The following GLIS3 variants were observed in gnomAD, a reference collection of about 807,000 sequenced individuals.
The protein encoded by GLIS3 is GLIS family zinc finger 3, also known as zinc finger protein GLIS3.
A neutral mutation model predicts 78.6 loss-of-function variants in GLIS3; 53 were observed. The observed-to-expected ratio is 0.67, with a 90% CI of 0.54 to 0.85. The LOEUF is 0.85. GLIS3 is among the 40% of genes least tolerant of loss of function. The pLI is 0.00. For synonymous variants in GLIS3, 684 were observed against 509.9 expected, an observed-to-expected ratio of 1.34 and a Z score of -4.60; for missense variants, 1,703 against 1,231.1, an observed-to-expected ratio of 1.38 and a Z score of -5.74.
At chr9:3,907,663 C>T (rs1165276293) in intron 6 of GLIS3, among the ~76,000 whole-genome samples, 2 of 148,398 alleles carry the variant, frequency 1.3e-5, no homozygotes, top group African/African-American at 5.0e-5. Context: ...CACTACTAAA[C>T]AGTGCTCCTT....
At chr9:4,327,078 CTG>C (rs750357638) in intron 2 of GLIS3, among the ~76,000 whole-genome samples, 36 of 152,162 alleles carry the variant, frequency 2.4e-4, no homozygotes, top group Non-Finnish European at 2.9e-4. Context: ...ACAATGTGAT[CTG>C]TGTTAAGGAG....
chr9:4,351,300 G>A (rs1171150679), upstream of GLIS3, among the ~76,000 whole-genome samples: 1 of 151,788 alleles, frequency 6.6e-6, no homozygotes, highest in East Asian at 1.9e-4. Flanking sequence ...AATAAGCTGG[G>A]AGGCTGAGGA....
chr9:4,225,889 G>C (rs1247645004), intron 2 of GLIS3, among the ~76,000 whole-genome samples: 3 of 152,162 alleles, frequency 2.0e-5, no homozygotes, highest in African/African-American at 7.2e-5. Flanking sequence ...TGAGGAAGGA[G>C]AAGGTCAAAG....
chr9:3,987,999 A>G (rs2129719017), intron 4 of GLIS3, among the ~76,000 whole-genome samples: 1 of 152,202 alleles, frequency 6.6e-6, no homozygotes, highest in South Asian at 2.1e-4. Flanking sequence ...AGTGATGATT[A>G]AAATTTAATA....
chr9:4,271,973 A>G (rs908418400), intron 2 of GLIS3, among the ~76,000 whole-genome samples: 1 of 152,178 alleles, frequency 6.6e-6, no homozygotes, highest in Non-Finnish European at 1.5e-5. Context: ...CAGGGGATCC[A>G]TAAAATTCTC....
At chr9:4,203,406 G>T (rs1329616467) in intron 2 of GLIS3, among the ~76,000 whole-genome samples, 1 of 152,192 alleles carries the variant, frequency 6.6e-6, no homozygotes, top group Non-Finnish European at 1.5e-5. Context: ...AGCAACTGTA[G>T]AAAGCAGTTC....
the GLIS3 span, among the ~76,000 whole-genome samples, chr9:4,468,715 G>C: frequency 9.9e-5 from 15 of 152,202 alleles, no homozygotes; most frequent in Non-Finnish European, 2.1e-4. Flanking sequence ...ATGCTAGGAA[G>C]AAACTGCATC....
At chr9:4,087,008 T>A (rs945508156) in intron 4 of GLIS3, among the ~76,000 whole-genome samples, 3 of 152,198 alleles carry the variant, frequency 2.0e-5, no homozygotes, top group Non-Finnish European at 4.4e-5. Flanking sequence ...TTTAGTGCTA[T>A]GTGTACATGT....
intron 2 of GLIS3, among the ~76,000 whole-genome samples, chr9:4,213,458 C>A (rs573261711): frequency 1.3e-5 from 2 of 152,342 alleles, no homozygotes; most frequent in East Asian, 3.9e-4. Context: ...AGTAGAACTT[C>A]TGATGATGAT....
chr9:4,314,129 G>C (rs778901046), intron 2 of GLIS3, among the ~76,000 whole-genome samples: 1 of 152,164 alleles, frequency 6.6e-6, no homozygotes, highest in Non-Finnish European at 1.5e-5. Flanking sequence ...AGCAATGTGG[G>C]AATAGTAATA....
intron 4 of GLIS3, among the ~76,000 whole-genome samples, chr9:4,076,062 G>A (rs1828026180): frequency 6.6e-6 from 1 of 152,064 alleles, no homozygotes; most frequent in African/African-American, 2.4e-5. Flanking sequence ...TTTCACAAGG[G>A]TACACATTGG....
intron 2 of GLIS3, among the ~76,000 whole-genome samples, chr9:4,318,875 G>T (rs1053944150): frequency 2.0e-5 from 3 of 152,220 alleles, no homozygotes; most frequent in African/African-American, 7.2e-5. Context: ...AAGGGGGGAA[G>T]TTCCTGTACA....
At chr9:3,859,065 G>C (rs1190267906) in intron 8 of GLIS3, among the ~76,000 whole-genome samples, 1 of 152,172 alleles carries the variant, frequency 6.6e-6, no homozygotes, top group Non-Finnish European at 1.5e-5. Flanking sequence ...AGAAGATGAA[G>C]AGAGAGTCTT....
At chr9:4,464,538 G>C in the GLIS3 span, among the ~76,000 whole-genome samples, 1 of 151,962 alleles carries the variant, frequency 6.6e-6, no homozygotes, top group Non-Finnish European at 1.5e-5. Context: ...GGGATTACAA[G>C]TGCCCACCAC....
chr9:4,256,649 C>A (rs144519502), intron 2 of GLIS3, among the ~76,000 whole-genome samples: 1 of 152,224 alleles, frequency 6.6e-6, no homozygotes, highest in East Asian at 1.9e-4. Context: ...AAAAGGTCTA[C>A]GTAACACAAT....
At chr9:4,404,481 C>T in the GLIS3 span, among the ~76,000 whole-genome samples, 1 of 152,158 alleles carries the variant, frequency 6.6e-6, no homozygotes, top group Non-Finnish European at 1.5e-5. Context: ...CAGAACAAGT[C>T]TTAAAGCATT....
At chr9:4,075,157 T>A (rs1429042081) in intron 4 of GLIS3, among the ~76,000 whole-genome samples, 1 of 144,488 alleles carries the variant, frequency 6.9e-6, no homozygotes, top group Non-Finnish European at 1.5e-5. Context: ...GTGCATTTAC[T>A]GTGGCGATGG....
chr9:4,283,232 T>C (rs1241834099), intron 2 of GLIS3, among the ~76,000 whole-genome samples: 3 of 151,898 alleles, frequency 2.0e-5, no homozygotes, highest in Non-Finnish European at 4.4e-5. Flanking sequence ...AGTGTATCCC[T>C]ACCGGAGTCC....
intron 4 of GLIS3, among the ~76,000 whole-genome samples, chr9:4,061,733 C>T (rs376566149): frequency 5.3e-5 from 8 of 152,110 alleles, no homozygotes; most frequent in Admixed American, 1.3e-4. Context: ...AACAACATGA[C>T]GTCCTGAAAT....
Sources: gnomAD v4.1 joint callset for allele counts (sites outside exome capture counted in the v4.1 genomes callset) on GRCh38, gnomAD v4.1.1 for gene constraint, MANE v1.5 for transcripts, NCBI Gene and HGNC (gene_info 2026-07-23, HGNC 2026-07-21) for gene names.